GAN: variants seen among roughly 807,000 people sequenced by gnomAD.
The protein encoded by GAN is epididymis secretory sperm binding protein.
GAN carries 48 observed loss-of-function variants against 71.3 expected under a neutral mutation model. That is an observed-to-expected ratio of 0.67 (90% CI 0.53 to 0.86). GAN has a LOEUF of 0.86. GAN is among the 40% of genes least tolerant of loss of function. The pLI is 0.00. For synonymous variants in GAN, 386 were observed against 276.8 expected (o/e 1.39, Z -3.92); for missense variants, 928 against 770.1 (o/e 1.21, Z -2.43).
In GAN at chr16:81,388,426, C is replaced by G. The variant is rs1455495360; in HGVS notation, c.*10830C>G. 1.3e-5 allele frequency: 2 copies of G among 152,518 alleles called. No homozygotes were observed. The highest frequency in any genetic ancestry group is 4.8e-5 in the African/African-American group (2 of 41,442). 9.4% of individuals were successfully genotyped at this position (152,518 alleles called of 1,614,324 possible). Reference sequence around the variant, plus strand: ...CCCTGGCTGTGAGAGTCAGATCTGTCCCCAAGGCTCCAGGTCAGAACTTGG... The same window carrying G: ...CCCTGGCTGTGAGAGTCAGATCTGTGCCCAAGGCTCCAGGTCAGAACTTGG... On this transcript the variant is annotated 3_prime_UTR_variant, in exon 11 of 11. Coordinates refer to ENST00000648994, the MANE Select transcript of GAN (RefSeq NM_022041.4).
chr16:81,333,985 C>T (rs1909671133), intron 1 of GAN, among the ~76,000 whole-genome samples: 2 of 152,222 alleles, frequency 1.3e-5, no homozygotes, highest in Admixed American at 6.5e-5. Flanking sequence ...CACTGCCTTC[C>T]CGTTTCATTT....
Position 81,386,364 on chromosome 16 carries a change from G to C in GAN, c.*8768G>C, listed in dbSNP as rs1051019623. On this transcript the variant is annotated 3_prime_UTR_variant, in exon 11 of 11. Transcript: ENST00000648994. Reference sequence around the variant, plus strand: ...CTAACTGTGCTTTCTTAACTTGGATGTTACATGAAACTTAAAAACAAACAA... The same window carrying C: ...CTAACTGTGCTTTCTTAACTTGGATCTTACATGAAACTTAAAAACAAACAA... The C allele has an allele frequency of 6.6e-6, 1 of 152,116 alleles. No homozygotes were observed. The highest frequency in any genetic ancestry group is 1.5e-5 in the Non-Finnish European group (1 of 68,030). The allele number at this position is 152,116 out of a possible 1,614,324, so 9.4% of individuals were successfully genotyped here.
chr16:81,319,713 C>A (rs1180589521), intron 1 of GAN, among the ~76,000 whole-genome samples: 1 of 152,060 alleles, frequency 6.6e-6, no homozygotes, highest in Non-Finnish European at 1.5e-5. Context: ...CCCCCGACCC[C>A]CCCTTATTTT....
chr16:81,364,401 G>T (rs1910780378), intron 7 of GAN, among the ~76,000 whole-genome samples: 1 of 152,128 alleles, frequency 6.6e-6, no homozygotes, highest in African/African-American at 2.4e-5. Context: ...GAATAGCTGG[G>T]ACTACAGGTG....
At chr16:81,366,663 C>CT (rs1417108937) in intron 9 of GAN, among the ~76,000 whole-genome samples, 25 of 151,660 alleles carry the variant, frequency 1.6e-4, no homozygotes, top group Non-Finnish European at 5.9e-5. Context: ...TTTGCATAGC[C>CT]TTTTTTTTCA....
At chr16:81,374,854 A>G (rs1904276232) in intron 9 of GAN, among the ~76,000 whole-genome samples, 1 of 152,256 alleles carries the variant, frequency 6.6e-6, no homozygotes, top group African/African-American at 2.4e-5. Flanking sequence ...CAGAGGTGCC[A>G]AGGCAATTTA....
intron 9 of GAN, among the ~76,000 whole-genome samples, chr16:81,377,011 C>G (rs1904283700): frequency 6.6e-6 from 1 of 152,138 alleles, no homozygotes; most frequent in Admixed American, 6.5e-5. Flanking sequence ...GTTTATGACT[C>G]AATACATGTT....
At chr16:81,360,996 G>A (rs1005656285) in intron 5 of GAN, among the ~76,000 whole-genome samples, 2 of 152,150 alleles carry the variant, frequency 1.3e-5, no homozygotes, top group Non-Finnish European at 2.9e-5. Context: ...GGCTGAGGCG[G>A]GTGGATCATT....
chr16:81,362,871 G>A (rs1033941524), intron 6 of GAN, among the ~76,000 whole-genome samples: 1 of 152,150 alleles, frequency 6.6e-6, no homozygotes, highest in Admixed American at 6.5e-5. Context: ...AGATGCCAGC[G>A]TGGCCTGCCC....
At position 81,322,366 on chromosome 16, in the gene GAN, G is replaced by A. The variant is rs150037288; in HGVS notation, c.167+7086G>A. Among the ~76,000 whole-genome samples, 723 of 152,342 alleles carry A rather than the reference G, an allele frequency of 4.7e-3. 5 individuals are homozygous for A. The highest frequency in any genetic ancestry group is 0.024 in the Middle Eastern group (7 of 294). On this transcript the variant is annotated intron_variant, in intron 1 of 10. Transcript: ENST00000648994. ...ACATCTCAGCAGCGGCTAGGTACTA[G>A]CAAGATGGTGGCAACCAACTGGCAA...
At chr16:81,353,134 A>G (rs1411789966) in intron 2 of GAN, among the ~76,000 whole-genome samples, 2 of 152,080 alleles carry the variant, frequency 1.3e-5, no homozygotes, top group Non-Finnish European at 2.9e-5. Context: ...TACTAAAAAT[A>G]CAAAAAATTA....
At chr16:81,373,805 C>T (rs541495332) in intron 9 of GAN, among the ~76,000 whole-genome samples, 3 of 152,250 alleles carry the variant, frequency 2.0e-5, no homozygotes, top group East Asian at 3.9e-4. Context: ...TGCAATGGCG[C>T]GATCTCAGCT....
chr16:81,371,518 G>C (rs182887099), intron 9 of GAN, among the ~76,000 whole-genome samples: 1 of 152,146 alleles, frequency 6.6e-6, no homozygotes, highest in African/African-American at 2.4e-5. Flanking sequence ...ACCTGCCATG[G>C]GTGGCAGCTG....
chr16:81,339,701 A>C (rs1183290385), intron 1 of GAN, among the ~76,000 whole-genome samples: 1 of 152,182 alleles, frequency 6.6e-6, no homozygotes, highest in Non-Finnish European at 1.5e-5. Flanking sequence ...ACCTACAAAG[A>C]GGTAAGGGCG....
chr16:81,357,593 A>G (rs1910533303), intron 4 of GAN, among the ~76,000 whole-genome samples: 1 of 152,212 alleles, frequency 6.6e-6, no homozygotes, highest in Non-Finnish European at 1.5e-5. Context: ...TTATAGCAGC[A>G]TGATTTATAG....
chr16:81,371,614 C>G (rs762261313), intron 9 of GAN, among the ~76,000 whole-genome samples: 4 of 152,096 alleles, frequency 2.6e-5, no homozygotes, highest in Non-Finnish European at 5.9e-5. Flanking sequence ...TGGATGCGCA[C>G]AAATTGAGGG....
At chr16:81,339,028 G>T (rs74774416) in intron 1 of GAN, among the ~76,000 whole-genome samples, 3 of 152,164 alleles carry the variant, frequency 2.0e-5, no homozygotes, top group Admixed American at 6.5e-5. Context: ...ATTTATGTCT[G>T]TTGAATTTAT....
chr16:81,378,504 A>G lies in GAN; in HGVS notation c.*908A>G, dbSNP rs1904289855. 6.6e-6 allele frequency: 1 copy of G among 152,258 alleles called. No individual in the cohort carries two copies. The allele number at this position is 152,258 out of a possible 1,614,324, so 9.4% of individuals were successfully genotyped here. A position where few individuals can be genotyped will look rare whatever the true frequency, so the allele number is the denominator to read the frequency against. ...AAGGTCTGCTGTGGCTAAAAAAGCA[A>G]AAACAAAAAAGCTATCCAGACAAAA... is the stretch of plus-strand genomic sequence containing the variant. On this transcript the variant is annotated 3_prime_UTR_variant, in exon 11 of 11. Coordinates refer to ENST00000648994, the MANE Select transcript of GAN (RefSeq NM_022041.4).
In GAN at chr16:81,346,793, G is replaced by A. The variant is rs192321578; in HGVS notation, c.168-4790G>A. 5.3e-5 allele frequency among the ~76,000 whole-genome samples: 8 copies of A among 152,330 alleles called. No individual in the cohort carries two copies. In the East Asian group the frequency reaches 9.7e-4, roughly 18 times the overall value. Reference sequence around the variant, plus strand: ...CAGCTGTGCACTGTGGGAGCCTGGTGCTGGGAGAGAAGACTGCCTGGCAGG... The same window carrying A: ...CAGCTGTGCACTGTGGGAGCCTGGTACTGGGAGAGAAGACTGCCTGGCAGG... On this transcript the variant is annotated intron_variant, in intron 1 of 10. Transcript: ENST00000648994.
Sources: gnomAD v4.1 joint callset for allele counts (sites outside exome capture counted in the v4.1 genomes callset) on GRCh38, gnomAD v4.1.1 for gene constraint, MANE v1.5 for transcripts, NCBI Gene and HGNC (gene_info 2026-07-23, HGNC 2026-07-21) for gene names.